TMEFF1: variants seen among roughly 807,000 people sequenced by gnomAD.
TMEFF1 encodes the protein tomoregulin-1.
Under a neutral mutation model 47.5 loss-of-function variants are expected in TMEFF1, and 20 were observed. That is an observed-to-expected ratio of 0.42 (90% CI 0.30 to 0.61). TMEFF1 has a LOEUF of 0.61. TMEFF1 is among the 20% of genes least tolerant of loss of function. TMEFF1 has a pLI of 0.19. For synonymous variants in TMEFF1, 162 were observed against 166.3 expected, an observed-to-expected ratio of 0.97 and a Z score of 0.20; for missense variants, 411 against 471.1, an observed-to-expected ratio of 0.87 and a Z score of 1.18.
intron 9 of TMEFF1, among the ~76,000 whole-genome samples, chr9:100,575,795 C>G (rs927806222): frequency 6.6e-6 from 1 of 151,792 alleles, no homozygotes; most frequent in African/African-American, 2.4e-5. Context: ...CCCCCTTACT[C>G]CACATTGCAT....
chr9:100,552,856 T>A (rs1564026000), intron 7 of TMEFF1, among the ~76,000 whole-genome samples: 2 of 140,668 alleles, frequency 1.4e-5, no homozygotes, highest in Non-Finnish European at 1.5e-5. Context: ...AGCAAGACAC[T>A]GTTTTGGAAA....
intron 2 of TMEFF1, 129 bp downstream of exon 2, chr9:100,499,003 T>C (rs1418055563): frequency 2.3e-6 from 2 of 884,750 alleles, no homozygotes; most frequent in East Asian, 5.3e-5. Context: ...CCCTCAGTTC[T>C]TTTTTGTCAG....
intron 2 of TMEFF1, among the ~76,000 whole-genome samples, chr9:100,508,086 T>G (rs759017939): frequency 2.4e-4 from 37 of 152,342 alleles, no homozygotes; most frequent in Non-Finnish European, 4.7e-4. Context: ...TGATTGCTAG[T>G]GAAGATCAAT....
intron 5 of TMEFF1, among the ~76,000 whole-genome samples, chr9:100,547,105 T>A (rs1838748550): frequency 6.6e-6 from 1 of 152,130 alleles, no homozygotes; most frequent in African/African-American, 2.4e-5. Context: ...GGCCTCAACC[T>A]CCTGGGCTTA....
chr9:100,473,975 C>A lies in TMEFF1; in HGVS notation c.196+235C>A, dbSNP rs1392925108. ...AGTGTGTCGAGTGGCTGGGCGAGGG[C>A]GGCCCGGCGTGTGGGGAGGCGGTGG... On this transcript the variant is annotated intron_variant, in intron 1 of 9. Transcript: ENST00000374879. This position sits in a 1 kb window ranked among gnomAD's most constrained non-coding sequence, Gnocchi z 5.4. Among the ~76,000 whole-genome samples, 2 of 151,142 alleles carry A rather than the reference C, an allele frequency of 1.3e-5. No individual in the cohort carries two copies. The highest frequency in any genetic ancestry group is 3.0e-5 in the Non-Finnish European group (2 of 67,766).
intron 2 of TMEFF1, among the ~76,000 whole-genome samples, chr9:100,501,208 A>G (rs1000866641): frequency 2.6e-5 from 4 of 152,172 alleles, no homozygotes; most frequent in Non-Finnish European, 5.9e-5. Flanking sequence ...TCCTTAGGTT[A>G]AATTCCTTGA....
intron 1 of TMEFF1, among the ~76,000 whole-genome samples, chr9:100,493,088 C>G (rs1053546148): frequency 3.9e-5 from 6 of 152,032 alleles, no homozygotes; most frequent in South Asian, 2.1e-4. Flanking sequence ...CCCTCTCCCC[C>G]CCACAGGATG....
chr9:100,489,648 G>T (rs1474242596), intron 1 of TMEFF1, among the ~76,000 whole-genome samples: 19 of 151,860 alleles, frequency 1.3e-4, no homozygotes, highest in Non-Finnish European at 2.6e-4. Context: ...CTATTTTGGT[G>T]GGTATACCTT....
chr9:100,503,567 C>T (rs938295036), intron 2 of TMEFF1, among the ~76,000 whole-genome samples: 3 of 151,646 alleles, frequency 2.0e-5, no homozygotes, highest in African/African-American at 7.3e-5. Context: ...CACACACACA[C>T]ACACACACAC....
At chr9:100,539,447 T>G (rs149507594) in intron 5 of TMEFF1, among the ~76,000 whole-genome samples, 105 of 152,326 alleles carry the variant, frequency 6.9e-4, no homozygotes, top group Non-Finnish European at 1.1e-3. Context: ...GATGTTCAGC[T>G]GTGTCTGGAG....
rs545625037 is a variant in TMEFF1 at position 100,503,248 on chromosome 9, GT to G, written c.306+4385del. Among the ~76,000 whole-genome samples, 493 of 141,854 alleles carry G rather than the reference GT, an allele frequency of 3.5e-3. 2 individuals carry two copies. The highest frequency in any genetic ancestry group is 0.011 in the South Asian group (49 of 4,464). 93.1% of individuals were successfully genotyped at this position (141,854 alleles called of 152,430 possible). On this transcript the variant is annotated intron_variant, in intron 2 of 9. Transcript: ENST00000374879. ...AGGATTTTAAATAAAAATTCAAATT[GT>G]TTTTTTTTTTAGTCTGCTAATAAGA...
At chr9:100,505,105 A>G (rs964210308) in intron 2 of TMEFF1, among the ~76,000 whole-genome samples, 5 of 152,086 alleles carry the variant, frequency 3.3e-5, no homozygotes, top group African/African-American at 1.2e-4. Flanking sequence ...CTTATGATAA[A>G]TGTTTGGATT....
At chr9:100,526,403 G>GT (rs1838253688) in intron 5 of TMEFF1, among the ~76,000 whole-genome samples, 1 of 152,016 alleles carries the variant, frequency 6.6e-6, no homozygotes, top group South Asian at 2.1e-4. Context: ...TTACGTGAAT[G>GT]TTGACATCCT....
chr9:100,474,826 T>G (rs1349884262), intron 1 of TMEFF1, among the ~76,000 whole-genome samples: 4 of 152,100 alleles, frequency 2.6e-5, no homozygotes, highest in Non-Finnish European at 5.9e-5. Context: ...AACAAAGAGC[T>G]TGCTGAGGCT....
At chr9:100,505,312 T>C (rs1189278068) in intron 2 of TMEFF1, among the ~76,000 whole-genome samples, 1 of 144,012 alleles carries the variant, frequency 6.9e-6, no homozygotes, top group Non-Finnish European at 1.5e-5. Context: ...CTTGGGAGGC[T>C]GAGGCAGGAG....
chr9:100,546,415 C>T (rs933769699), intron 5 of TMEFF1, among the ~76,000 whole-genome samples: 1 of 150,876 alleles, frequency 6.6e-6, no homozygotes, highest in Admixed American at 6.6e-5. Context: ...GAAAGACCTT[C>T]CCCCATAATT....
intron 1 of TMEFF1, among the ~76,000 whole-genome samples, chr9:100,494,962 A>T (rs908098428): frequency 3.3e-5 from 5 of 152,214 alleles, no homozygotes; most frequent in South Asian, 4.2e-4. Flanking sequence ...GTTGATAGCC[A>T]GCAACAAATC....
chr9:100,510,768 C>T (rs929159544), intron 3 of TMEFF1, among the ~76,000 whole-genome samples: 2 of 152,030 alleles, frequency 1.3e-5, no homozygotes, highest in African/African-American at 4.8e-5. Context: ...AGCCATTGTA[C>T]CCTGATATTC....
In TMEFF1 at chr9:100,473,646, G is replaced by C; in HGVS notation, c.102G>C (p.Leu34=). 1 of 1,550,938 alleles carries C rather than the reference G, an allele frequency of 6.4e-7. No individual in the cohort carries two copies. ...TSVLLLFAFS[L]PGSRASNQPP... ...TGCTTCTGCTCTTCGCCTTCTCTCT[G>C]CCCGGGAGCCGCGCGTCCAACCAGC... Residue 34 remains leucine, a synonymous_variant, in exon 1 of 10, where the codon CTG becomes CTC. Transcript: ENST00000374879. The surrounding 1 kb of genome is among the most constrained non-coding windows in gnomAD (Gnocchi z 5.4).
Sources: allele counts gnomAD v4.1 joint callset (sites outside exome capture counted in the v4.1 genomes callset), GRCh38; gene constraint gnomAD v4.1.1; non-coding constraint Gnocchi (gnomAD v3.1); transcripts MANE v1.5; gene names NCBI Gene and HGNC (gene_info 2026-07-23, HGNC 2026-07-21).